The following CDC42BPA variants were observed in gnomAD, a reference collection of about 807,000 sequenced individuals.
CDC42BPA encodes serine/threonine-protein kinase MRCK alpha.
A neutral mutation model predicts 223.5 loss-of-function variants in CDC42BPA; 80 were observed. The ratio of observed to expected loss-of-function variants is 0.36; its 90% CI spans 0.30 to 0.43. CDC42BPA has a LOEUF of 0.43. Among genes scored for constraint, CDC42BPA ranks in the 20% least tolerant of loss-of-function variants. The pLI is 1.00. For synonymous variants in CDC42BPA, 694 were observed against 718.6 expected (o/e 0.97, Z 0.55); for missense variants, 1,743 against 2,099.9 (o/e 0.83, Z 3.32).
chr1:227,154,772 T>G (rs749276165), intron 6 of CDC42BPA, among the ~76,000 whole-genome samples: 10 of 152,012 alleles, frequency 6.6e-5, no homozygotes, highest in Non-Finnish European at 1.3e-4. Context: ...GATTCCATGT[T>G]ATAGACATAA....
At chr1:227,277,897 C>G (rs1365732205) in intron 1 of CDC42BPA, among the ~76,000 whole-genome samples, 1 of 152,050 alleles carries the variant, frequency 6.6e-6, no homozygotes, top group Non-Finnish European at 1.5e-5. Flanking sequence ...CTACAGGCAC[C>G]CGCCACGACG....
intron 2 of CDC42BPA, among the ~76,000 whole-genome samples, chr1:227,219,628 A>C (rs1675482162): frequency 6.6e-6 from 1 of 152,130 alleles, no homozygotes; most frequent in South Asian, 2.1e-4. Context: ...AACTGATAGA[A>C]ATGCTCCTAT....
At chr1:227,069,484 A>G (rs1237937059) in intron 21 of CDC42BPA, 1 of 211,254 alleles carries the variant, frequency 4.7e-6, no homozygotes, top group South Asian at 1.8e-4. Flanking sequence ...AATTATTTCA[A>G]AAGTTGGGAT....
At chr1:227,201,371 C>T (rs1237419449) in intron 3 of CDC42BPA, among the ~76,000 whole-genome samples, 1 of 152,100 alleles carries the variant, frequency 6.6e-6, no homozygotes, top group East Asian at 1.9e-4. Flanking sequence ...TGGTCTCATA[C>T]TACTGGGCTC....
At chr1:227,087,668 A>C (rs549547648) in intron 16 of CDC42BPA, among the ~76,000 whole-genome samples, 135 of 152,336 alleles carry the variant, frequency 8.9e-4, no homozygotes, top group African/African-American at 3.1e-3. Flanking sequence ...AACATAGTTT[A>C]TCTCTCCATT....
At chr1:227,281,041 G>A (rs961154314) in intron 1 of CDC42BPA, among the ~76,000 whole-genome samples, 1 of 152,176 alleles carries the variant, frequency 6.6e-6, no homozygotes, top group African/African-American at 2.4e-5. Context: ...CAAGTCAGCT[G>A]TCTCTCTCCT....
At chr1:227,276,864 T>C (rs1687170534) in intron 1 of CDC42BPA, among the ~76,000 whole-genome samples, 1 of 152,110 alleles carries the variant, frequency 6.6e-6, no homozygotes, top group South Asian at 2.1e-4. Flanking sequence ...GTTAAACAGA[T>C]GCTTGAAGGC....
intron 27 of CDC42BPA, among the ~76,000 whole-genome samples, chr1:227,032,058 G>T (rs1669393257): frequency 6.6e-6 from 1 of 152,096 alleles, no homozygotes. Context: ...TTGTTTTAAG[G>T]TCAGAAGTGC....
intron 5 of CDC42BPA, among the ~76,000 whole-genome samples, chr1:227,167,905 G>A (rs541760248): frequency 6.7e-6 from 1 of 149,094 alleles, no homozygotes; most frequent in African/African-American, 2.5e-5. Context: ...TTACAGTGCA[G>A]GTCTTCTGGC....
chr1:227,312,213 C>G (rs185181842), intron 1 of CDC42BPA, among the ~76,000 whole-genome samples: 1 of 151,964 alleles, frequency 6.6e-6, no homozygotes, highest in African/African-American at 2.4e-5. Flanking sequence ...TCACAACCAG[C>G]AGGAGAAAAA....
intron 5 of CDC42BPA, among the ~76,000 whole-genome samples, chr1:227,179,248 T>C (rs1214782051): frequency 2.6e-5 from 4 of 152,102 alleles, no homozygotes; most frequent in Non-Finnish European, 5.9e-5. Context: ...TATTCTAAAA[T>C]AGATCATAGT....
chr1:227,244,851 T>TAG (rs1419884100), intron 2 of CDC42BPA, among the ~76,000 whole-genome samples: 1 of 151,832 alleles, frequency 6.6e-6, no homozygotes, highest in Non-Finnish European at 1.5e-5. Context: ...GGCCATGAGG[T>TAG]AGAGAGAGAG....
intron 1 of CDC42BPA, among the ~76,000 whole-genome samples, chr1:227,287,813 G>C (rs552537997): frequency 2.0e-5 from 3 of 152,076 alleles, no homozygotes; most frequent in African/African-American, 7.2e-5. Flanking sequence ...CATCTCAAAC[G>C]TTTATCATTT....
At chr1:227,251,015 T>C (rs907658084) in intron 2 of CDC42BPA, among the ~76,000 whole-genome samples, 1 of 152,122 alleles carries the variant, frequency 6.6e-6, no homozygotes, top group African/African-American at 2.4e-5. Context: ...ATCACACCAC[T>C]GCACTGCAGC....
chr1:227,286,829 AG>A (rs1688885499), intron 1 of CDC42BPA, among the ~76,000 whole-genome samples: 2 of 152,216 alleles, frequency 1.3e-5, no homozygotes, highest in Admixed American at 1.3e-4. Context: ...TCATAGTATT[AG>A]GTTGATGCAA....
intron 5 of CDC42BPA, among the ~76,000 whole-genome samples, chr1:227,163,030 A>AGGTG (rs1664311613): frequency 8.4e-5 from 2 of 23,824 alleles, no homozygotes; most frequent in East Asian, 7.5e-4. Flanking sequence ...GTTTCCAAAC[A>AGGTG]TATGTGTTTC....
intron 1 of CDC42BPA, among the ~76,000 whole-genome samples, chr1:227,309,186 T>TGA (rs1381273645): frequency 7.1e-6 from 1 of 141,518 alleles, no homozygotes; most frequent in African/African-American, 2.6e-5. Flanking sequence ...GACAACATAG[T>TGA]GAGACCCTAT....
intron 34 of CDC42BPA, among the ~76,000 whole-genome samples, chr1:227,009,515 C>A (rs1349285957): frequency 6.6e-6 from 1 of 152,140 alleles, no homozygotes; most frequent in Non-Finnish European, 1.5e-5. Flanking sequence ...CGCAAGTGAT[C>A]TTCTCCCCTC....
intron 22 of CDC42BPA, among the ~76,000 whole-genome samples, chr1:227,050,625 A>G (rs1673355312): frequency 1.3e-5 from 2 of 152,178 alleles, no homozygotes; most frequent in African/African-American, 4.8e-5. Flanking sequence ...CTAAATGAAC[A>G]CATATCTGTA....
Sources: gnomAD v4.1 joint callset for allele counts (sites outside exome capture counted in the v4.1 genomes callset) on GRCh38, gnomAD v4.1.1 for gene constraint, MANE v1.5 for transcripts, NCBI Gene and HGNC (gene_info 2026-07-23, HGNC 2026-07-21) for gene names.